Variants in TSC2 observed in about 807,000 individuals in gnomAD.
TSC2 encodes tuberin.
Under a neutral mutation model 202.2 loss-of-function variants are expected in TSC2, and 29 were observed. That is an observed-to-expected ratio of 0.14 (90% CI 0.11 to 0.20). The LOEUF is 0.20. Ranked by LOEUF, TSC2 falls within the 10% of genes least tolerant of loss-of-function variation. TSC2 has a pLI of 1.00. For missense variants in TSC2, 2,429 were observed against 2,420.0 expected, an observed-to-expected ratio of 1.00 and a Z score of -0.08; for synonymous variants, 1,349 against 1,044.0, an observed-to-expected ratio of 1.29 and a Z score of -5.63.
At chr16:2,050,634 C>T in intron 3 of TSC2, 148 bp downstream of exon 3, 2 of 654,160 alleles carry the variant, frequency 3.1e-6, no homozygotes, top group Admixed American at 2.7e-5. Flanking sequence ...TGGAGTCTTG[C>T]TCTGTCGCCC....
At chr16:2,085,192 G>A (rs770778907) in intron 35 of TSC2, 38 bp from the exon 36 acceptor site, 53 of 1,611,824 alleles carry the variant, frequency 3.3e-5, no homozygotes, top group Middle Eastern at 1.6e-4. Flanking sequence ...TCCTGTGGAC[G>A]GGCGTCTGGG....
In TSC2 at chr16:2,059,518, T is replaced by G. The variant is rs1400424666; in HGVS notation, c.975+645T>G. Reference sequence around the variant, plus strand: ...CAGTGCCTGGCTAATGGTTTTTTTTTTTTTTTTTTTTTTTTAATGGGACAG... The same window carrying G: ...CAGTGCCTGGCTAATGGTTTTTTTTGTTTTTTTTTTTTTTTAATGGGACAG... On this transcript the variant is annotated intron_variant, in intron 10 of 41. Coordinates refer to ENST00000219476, the MANE Select transcript of TSC2 (RefSeq NM_000548.5). Among the ~76,000 whole-genome samples the G allele has an allele frequency of 2.8e-3, 412 of 145,320 alleles. 3 individuals are homozygous for G. The highest frequency in any genetic ancestry group is 0.01 in the African/African-American group (396 of 39,464).
rs45517326 is a variant in TSC2 at position 2,084,259 on chromosome 16, C to T, written c.4037C>T (p.Ser1346Leu). 14 of 1,605,338 alleles carry T rather than the reference C, an allele frequency of 8.7e-6. No homozygotes were observed. The highest frequency in any genetic ancestry group is 1.3e-5 in the African/African-American group (1 of 74,816). Reference sequence around the variant, plus strand: ...TCAGTCTCCAGCCAGGAGGAGAAGTCGCTCCACGCGGAGGAGCTGGTTGGC... The same window carrying T: ...TCAGTCTCCAGCCAGGAGGAGAAGTTGCTCCACGCGGAGGAGCTGGTTGGC... ...SSSVSSQEEK[S>L]LHAEELVGRG... The change falls in exon 34 of 42, where the codon TCG becomes TTG. Residue 1346 changes from serine (S) to leucine (L), a missense_variant. By Grantham distance (145) the Ser-to-Leu change is moderately radical. Transcript: ENST00000219476.
chr16:2,081,452 G>C, intron 30 of TSC2, 143 bp from the exon 31 acceptor site: 1 of 1,102,300 alleles, frequency 9.1e-7, no homozygotes, highest in East Asian at 2.4e-5. Flanking sequence ...TCAGAGCAGC[G>C]CTGGCTCCGA....
At position 2,063,067 on chromosome 16, in the gene TSC2, C is replaced by T. The variant is rs753454333; in HGVS notation, c.1443+14C>T. The T allele has an allele frequency of 2.6e-5, 41 of 1,551,252 alleles. No individual in the cohort carries two copies. The highest frequency in any genetic ancestry group is 5.5e-5 in the African/African-American group (4 of 73,046). On this transcript the variant is annotated intron_variant, in intron 14 of 41. Transcript: ENST00000219476. The stretch of plus-strand genomic sequence containing the variant: ...CAGTTCTATGAGGTGCGTGTCCAGG[C>T]GGCCGCAGCTGGGGGCTCAGGGCTA...
Position 2,082,295 on chromosome 16 carries a change from T to C in TSC2, c.3815-141T>C. The C allele has an allele frequency of 5.5e-6, 5 of 909,476 alleles. 1 individual carries two copies. The South Asian group carries it at 6.7e-5, about 12-fold the overall frequency. The allele number at this position is 909,476 out of a possible 1,614,324, so 56.3% of individuals were successfully genotyped here. A position where few individuals can be genotyped will look rare whatever the true frequency, so the allele number is the denominator to read the frequency against. On this transcript the variant is annotated intron_variant, in intron 31 of 41. Coordinates refer to ENST00000219476, the MANE Select transcript of TSC2 (RefSeq NM_000548.5). ...CAGGTCTGCCCAAGCAGCTTGTAGC[T>C]AGCACTGGGCCCCGTGCGCGCCCCT...
chr16:2,049,686 C>G (rs949947201), intron 2 of TSC2, among the ~76,000 whole-genome samples: 4 of 151,464 alleles, frequency 2.6e-5, no homozygotes, highest in Admixed American at 6.6e-5. Flanking sequence ...ATTAGCCGGT[C>G]ATAGTGGTGG....
rs2151433921 is a variant in TSC2 at position 2,079,156 on chromosome 16, G to T, written c.3091G>T (p.Ala1031Ser). The T allele has an allele frequency of 6.2e-7, 1 of 1,612,974 alleles. No individual in the cohort carries two copies. Among genetic ancestry groups the T allele is most frequent in the Non-Finnish European group, 8.5e-7 (1 of 1,180,022 alleles). The change falls in exon 27 of 42, where the codon GCT (alanine) becomes TCT (serine). Residue 1031 changes from alanine (A) to serine (S), a missense_variant. Coordinates refer to ENST00000219476, the MANE Select transcript of TSC2 (RefSeq NM_000548.5). This position sits in a 1 kb window ranked among gnomAD's most constrained non-coding sequence, Gnocchi z 4.6. ...CACGGAAACCTGTCTGGACATGATG[G>T]CTCGATACGTCTTCTCCAACTTCAC... ...ELTETCLDMM[A>S]RYVFSNFTAV...
chr16:2,083,014 C>A, intron 32 of TSC2: 1 of 434,624 alleles, frequency 2.3e-6, no homozygotes. Flanking sequence ...GCATGGTGCT[C>A]CCCTGCCAGG....
intron 14 of TSC2, 78 bp downstream of exon 14, chr16:2,063,131 C>T (rs2086849807): frequency 2.0e-6 from 3 of 1,504,622 alleles, no homozygotes; most frequent in South Asian, 1.2e-5. Flanking sequence ...TGCACGTGCT[C>T]CCGCAGAGCC....
chr16:2,080,115 G>T (rs2151454624), intron 29 of TSC2, 50 bp from the exon 30 acceptor site: 1 of 1,608,262 alleles, frequency 6.2e-7, no homozygotes, highest in East Asian at 2.2e-5. Context: ...GAGGCTGGTG[G>T]TTTTGCATCA....
rs530349131 is a variant in TSC2 at position 2,070,400 on chromosome 16, C to G, written c.1717-56C>G. The G allele has an allele frequency of 8.4e-5, 135 of 1,612,988 alleles. 1 individual carries two copies. The South Asian group carries it at 1.4e-3, about 17-fold the overall frequency. On this transcript the variant is annotated intron_variant, in intron 16 of 41. Transcript: ENST00000219476. ...CCCTGCTCCGGGACAAGGGTGCTGT[C>G]TTAGGACTGCGTTTTCACCTCCTGC...
At position 2,082,974 on chromosome 16, in the gene TSC2, C is replaced by A. The variant is rs1317129207; in HGVS notation, c.3883+470C>A. 5.7e-5 allele frequency: 22 copies of A among 385,450 alleles called. No homozygotes were observed. The Admixed American group carries it at 6.4e-4, about 11-fold the overall frequency. 23.9% of individuals were successfully genotyped at this position (385,450 alleles called of 1,614,324 possible). On this transcript the variant is annotated intron_variant, in intron 32 of 41. Transcript: ENST00000219476. ...TGCAGACCGACCTCTGCCTGTTGCC[C>A]CCAAGCCCTGGTGGGGAGTGCTGTG...
At chr16:2,055,564 C>T (rs764430620) in intron 6 of TSC2, 45 bp downstream of exon 6, 12 of 1,556,904 alleles carry the variant, frequency 7.7e-6, no homozygotes, top group Non-Finnish European at 1.1e-5. Context: ...GTCCTAAGTT[C>T]AGCTCCGCAG....
intron 16 of TSC2, chr16:2,068,765 CG>C (rs1156652022): frequency 1.4e-5 from 2 of 147,198 alleles, no homozygotes; most frequent in Non-Finnish European, 3.0e-5. Flanking sequence ...CCCAGCTACT[CG>C]GGAGGCTGAG....
chr16:2,066,675 T>G (rs2087410804), intron 16 of TSC2, among the ~76,000 whole-genome samples: 1 of 131,312 alleles, frequency 7.6e-6, no homozygotes, highest in South Asian at 2.2e-4. Flanking sequence ...TTTTTTTTTT[T>G]GATACAGTCT....
chr16:2,081,844 C>A (rs2151485729), intron 31 of TSC2, 46 bp downstream of exon 31: 1 of 1,599,880 alleles, frequency 6.3e-7, no homozygotes, highest in South Asian at 1.1e-5. Context: ...TCCCACTGGC[C>A]TGGTGCTCCC....
At chr16:2,086,017 A>G (rs1249667667) in intron 36 of TSC2, among the ~76,000 whole-genome samples, 176 bp from the exon 37 acceptor site, 2 of 152,106 alleles carry the variant, frequency 1.3e-5, no homozygotes, top group Non-Finnish European at 2.9e-5. Context: ...GAGGGAAGAG[A>G]GGGAGTCAAG....
intron 5 of TSC2, 185 bp from the exon 6 acceptor site, chr16:2,055,217 G>A (rs563093022): frequency 3.6e-5 from 24 of 675,480 alleles, no homozygotes; most frequent in South Asian, 3.3e-4. Context: ...GTGCGTAGCC[G>A]GCCTGCCCTG....
Sources: gnomAD v4.1 joint callset for allele counts (sites outside exome capture counted in the v4.1 genomes callset) on GRCh38, gnomAD v4.1.1 for gene constraint, Gnocchi (gnomAD v3.1) non-coding constraint, MANE v1.5 for transcripts, NCBI Gene and HGNC (gene_info 2026-07-23, HGNC 2026-07-21) for gene names.